The following SIPA1L2 variants were observed in gnomAD, a reference collection of about 807,000 sequenced individuals.
SIPA1L2 encodes the protein signal-induced proliferation-associated 1-like protein 2.
A neutral mutation model predicts 163.9 loss-of-function variants in SIPA1L2; 56 were observed. The ratio of observed to expected loss-of-function variants is 0.34; its 90% CI spans 0.28 to 0.43. The LOEUF is 0.43. SIPA1L2 is among the 20% of genes least tolerant of loss of function. The probability of loss-of-function intolerance (pLI) is 1.00; values close to 1 mark genes in which losing one functional copy is unlikely to be tolerated. For synonymous variants in SIPA1L2, 877 were observed against 865.7 expected (o/e 1.01, Z -0.23); for missense variants, 1,974 against 2,193.5 (o/e 0.90, Z 2.00).
chr1:232,399,856 C>A (rs1390697115), intron 22 of SIPA1L2, among the ~76,000 whole-genome samples: 7 of 152,138 alleles, frequency 4.6e-5, no homozygotes, highest in Non-Finnish European at 8.8e-5. Flanking sequence ...CAGTTCCCCC[C>A]CTGCTGAAAG....
At chr1:232,560,687 G>T (rs1043910802) in intron 2 of SIPA1L2, among the ~76,000 whole-genome samples, 3 of 143,932 alleles carry the variant, frequency 2.1e-5, no homozygotes, top group Non-Finnish European at 4.6e-5. Context: ...GGACACAGCA[G>T]CCCCAAAGCC....
At chr1:232,584,768 G>T (rs540492432) in intron 1 of SIPA1L2, among the ~76,000 whole-genome samples, 1 of 152,120 alleles carries the variant, frequency 6.6e-6, no homozygotes, top group Non-Finnish European at 1.5e-5. Context: ...TATACAAAAC[G>T]CTAGATGGAA....
intron 2 of SIPA1L2, among the ~76,000 whole-genome samples, chr1:232,547,339 C>A (rs1658087360): frequency 6.6e-6 from 1 of 151,584 alleles, no homozygotes; most frequent in South Asian, 2.1e-4. Flanking sequence ...CTGAGTGACC[C>A]TGGGATATGG....
chr1:232,591,324 C>T (rs1036306011), intron 1 of SIPA1L2, among the ~76,000 whole-genome samples: 2 of 152,242 alleles, frequency 1.3e-5, no homozygotes, highest in African/African-American at 4.8e-5. Context: ...CACAGGTACT[C>T]GAGTACTGAC....
Position 232,419,094 on chromosome 1 carries a change from CA to C in SIPA1L2, c.4631-3470del, listed in dbSNP as rs1428266456. 2.0e-5 allele frequency among the ~76,000 whole-genome samples: 3 copies of C among 152,178 alleles called. No homozygotes were observed. The East Asian group carries it at 5.8e-4, about 29-fold the overall frequency. Reference sequence around the variant, plus strand: ...GATGTGACTGTGAAGCTTGGTGGCACATTTGGGGGAGGCCTGTCCAAGGAGG... The same window carrying C: ...GATGTGACTGTGAAGCTTGGTGGCACTTTGGGGGAGGCCTGTCCAAGGAGG... On this transcript the variant is annotated intron_variant, in intron 18 of 22. Transcript: ENST00000674635.
intron 22 of SIPA1L2, among the ~76,000 whole-genome samples, chr1:232,401,056 T>C (rs1660307922): frequency 6.6e-6 from 1 of 152,178 alleles, no homozygotes; most frequent in Non-Finnish European, 1.5e-5. Flanking sequence ...TCAACCAGCC[T>C]GGACTCCAGG....
chr1:232,570,334 T>TG (rs1277551746), intron 2 of SIPA1L2, among the ~76,000 whole-genome samples: 6 of 152,192 alleles, frequency 3.9e-5, no homozygotes, highest in African/African-American at 1.4e-4. Context: ...GGGCATCAAA[T>TG]GGTAAAATCA....
At position 232,483,320 on chromosome 1, in the gene SIPA1L2, G is replaced by A. The variant is rs140371724; in HGVS notation, c.1981+472C>T. The stretch of plus-strand genomic sequence containing the variant: ...CTGTTATAAGGGGATATTGTGTGAA[G>A]ATGCATTCGCTTTTTAATCACTGTT... On this transcript the variant is annotated intron_variant, in intron 6 of 22. Transcript: ENST00000674635. Among the ~76,000 whole-genome samples the A allele has an allele frequency of 5.9e-4, 90 of 151,730 alleles. 1 individual carries two copies. In the East Asian group the frequency reaches 0.017, roughly 29 times the overall value.
In SIPA1L2 at chr1:232,607,805, C is replaced by T. The variant is rs1048923414; in HGVS notation, c.-319+22064G>A. Reference sequence around the variant, plus strand: ...GCACAGTATCTCATGCCTGTAATCCCAGCACTTTGGGAGGCAGAGGCAGGC... The same window carrying T: ...GCACAGTATCTCATGCCTGTAATCCTAGCACTTTGGGAGGCAGAGGCAGGC... On this transcript the variant is annotated intron_variant, in intron 1 of 22. Transcript: ENST00000674635. Among the ~76,000 whole-genome samples, 3 of 151,616 alleles carry T rather than the reference C, an allele frequency of 2.0e-5. No homozygotes were observed. The East Asian group carries it at 5.8e-4, about 29-fold the overall frequency.
chr1:232,558,034 G>C (rs1451003049), intron 2 of SIPA1L2, among the ~76,000 whole-genome samples: 1 of 152,188 alleles, frequency 6.6e-6, no homozygotes, highest in Non-Finnish European at 1.5e-5. Context: ...TGGAAAAAGT[G>C]ACAAGTCATA....
intron 18 of SIPA1L2, among the ~76,000 whole-genome samples, chr1:232,424,461 A>T (rs1661772731): frequency 6.6e-6 from 1 of 152,156 alleles, no homozygotes. Context: ...AAATGAAATA[A>T]CACTTGCAGG....
At chr1:232,621,440 C>A (rs531550266) in intron 1 of SIPA1L2, among the ~76,000 whole-genome samples, 1 of 152,104 alleles carries the variant, frequency 6.6e-6, no homozygotes, top group Non-Finnish European at 1.5e-5. Flanking sequence ...CCATACCTTA[C>A]AAGTGAGCTG....
rs774695809 is a variant in SIPA1L2 at position 232,432,427 on chromosome 1, C to T, written c.4076G>A (p.Ser1359Asn). Residue 1359 changes from serine (S) to asparagine (N), a missense_variant, in exon 16 of 23, where the codon AGT becomes AAT. Around this residue, in one of 3 missense-constraint regions of SIPA1L2, gnomAD observed 1,079 missense variants for 1,150.7 expected, o/e 0.94. Coordinates refer to ENST00000674635, the MANE Select transcript of SIPA1L2 (RefSeq NM_020808.5). ...SGSPSAHCSK[S>N]SGSLDSSKVY... ...TTTGGATGAATCCAGAGACCCACTA[C>T]TTTTTGAACAGTGAGCTGAAGGGCT... The T allele has an allele frequency of 1.4e-5, 22 of 1,614,232 alleles. No homozygotes were observed. The highest frequency in any genetic ancestry group is 1.7e-5 in the Non-Finnish European group (20 of 1,180,052).
At chr1:232,525,357 T>C (rs1667649954) in intron 2 of SIPA1L2, among the ~76,000 whole-genome samples, 1 of 149,610 alleles carries the variant, frequency 6.7e-6, no homozygotes, top group Admixed American at 6.7e-5. Context: ...TGCCTCAGCC[T>C]CCTGAGTAGC....
chr1:232,493,725 C>G (rs1666043904), intron 3 of SIPA1L2, 65 bp from the exon 4 acceptor site: 1 of 1,585,808 alleles, frequency 6.3e-7, no homozygotes, highest in Admixed American at 1.7e-5. Flanking sequence ...GGATGGATAT[C>G]TCTCAGTTTG....
chr1:232,493,180 A>T (rs1370443176), intron 4 of SIPA1L2, among the ~76,000 whole-genome samples: 1 of 151,926 alleles, frequency 6.6e-6, no homozygotes, highest in Non-Finnish European at 1.5e-5. Context: ...CTTCCACTTC[A>T]CCTTCCGTCA....
At chr1:232,520,815 A>T (rs1380305903) in intron 2 of SIPA1L2, among the ~76,000 whole-genome samples, 2 of 152,206 alleles carry the variant, frequency 1.3e-5, no homozygotes, top group Non-Finnish European at 2.9e-5. Flanking sequence ...ACAATCAATG[A>T]GCTGAGGTGC....
chr1:232,453,818 G>A (rs560232480), intron 10 of SIPA1L2, among the ~76,000 whole-genome samples: 1 of 149,966 alleles, frequency 6.7e-6, no homozygotes, highest in Non-Finnish European at 1.5e-5. Context: ...TTTTTCAGTA[G>A]GTGCTAAAAG....
At chr1:232,543,435 C>T (rs1657816475) in intron 2 of SIPA1L2, among the ~76,000 whole-genome samples, 2 of 151,340 alleles carry the variant, frequency 1.3e-5, no homozygotes, top group African/African-American at 4.9e-5. Context: ...CCACCTCTGT[C>T]ACCCCTTTCT....
Sources: allele counts gnomAD v4.1 joint callset (sites outside exome capture counted in the v4.1 genomes callset), GRCh38; gene constraint gnomAD v4.1.1; regional missense constraint gnomAD v4.1.1; transcripts MANE v1.5; gene names NCBI Gene and HGNC (gene_info 2026-07-23, HGNC 2026-07-21).